TMCC1: variants seen among roughly 807,000 people sequenced by gnomAD.
TMCC1 encodes transmembrane and coiled-coil domains protein 1.
A neutral mutation model predicts 52.4 loss-of-function variants in TMCC1; 15 were observed. The observed-to-expected ratio is 0.29, with a 90% CI of 0.19 to 0.44. The LOEUF (loss-of-function observed/expected upper bound fraction) is 0.44. Ranked by LOEUF, TMCC1 falls within the 20% of genes least tolerant of loss-of-function variation. TMCC1 has a pLI of 1.00. For missense variants in TMCC1, 503 were observed against 806.0 expected, an observed-to-expected ratio of 0.62 and a Z score of 4.55; for synonymous variants, 279 against 301.9, an observed-to-expected ratio of 0.92 and a Z score of 0.79.
At chr3:129,704,495 T>C (rs1292281657) in intron 4 of TMCC1, among the ~76,000 whole-genome samples, 1 of 152,226 alleles carries the variant, frequency 6.6e-6, no homozygotes, top group Non-Finnish European at 1.5e-5. Flanking sequence ...CTCAGCTCAC[T>C]GCAACCTCCG....
At chr3:129,772,302 C>T (rs2054653987) in intron 4 of TMCC1, among the ~76,000 whole-genome samples, 1 of 152,128 alleles carries the variant, frequency 6.6e-6, no homozygotes, top group South Asian at 2.1e-4. Context: ...GGTCGTGCCA[C>T]TGCCCTCCAG....
intron 4 of TMCC1, among the ~76,000 whole-genome samples, chr3:129,759,781 G>A (rs1208281399): frequency 2.3e-5 from 3 of 132,110 alleles, no homozygotes; most frequent in African/African-American, 8.6e-5. Flanking sequence ...GAGTGCAGTG[G>A]CGCCATCTCG....
intron 4 of TMCC1, among the ~76,000 whole-genome samples, chr3:129,788,092 A>G (rs566621687): frequency 2.0e-5 from 3 of 152,348 alleles, no homozygotes; most frequent in African/African-American, 7.2e-5. Context: ...GAAGGGGAAG[A>G]GTATATGTGC....
chr3:129,679,668 T>C (rs1318073107), intron 4 of TMCC1, among the ~76,000 whole-genome samples: 1 of 152,160 alleles, frequency 6.6e-6, no homozygotes, highest in African/African-American at 2.4e-5. Flanking sequence ...CTTGACTTCA[T>C]TTTTCTACAT....
At chr3:129,856,186 TA>T (rs1260245968) in intron 2 of TMCC1, among the ~76,000 whole-genome samples, 3 of 152,206 alleles carry the variant, frequency 2.0e-5, no homozygotes, top group African/African-American at 4.8e-5. Flanking sequence ...ATATTCAGGA[TA>T]ATACAACTGT....
chr3:129,811,715 G>A (rs900741005), intron 4 of TMCC1, among the ~76,000 whole-genome samples: 2 of 152,000 alleles, frequency 1.3e-5, no homozygotes, highest in Admixed American at 1.3e-4. Context: ...AGGCTGAGGT[G>A]GGCAGATCAC....
intron 2 of TMCC1, among the ~76,000 whole-genome samples, chr3:129,877,916 G>A (rs181041917): frequency 1.3e-3 from 193 of 151,390 alleles, no homozygotes; most frequent in African/African-American, 3.8e-3. Context: ...GATTACAGGC[G>A]TGAGCCACCG....
chr3:129,885,981 T>TCCA (rs955043400), intron 1 of TMCC1, among the ~76,000 whole-genome samples: 24 of 152,126 alleles, frequency 1.6e-4, no homozygotes, highest in African/African-American at 5.3e-4. Flanking sequence ...GACCTCATGA[T>TCCA]CCACCCACCT....
chr3:129,688,055 G>T, intron 4 of TMCC1: 1 of 714,554 alleles, frequency 1.4e-6, no homozygotes, highest in Non-Finnish European at 1.7e-6. Flanking sequence ...GGTTCCCTTG[G>T]TCATCCTTTT....
In TMCC1 at chr3:129,785,197, T is replaced by A. The variant is rs188202389; in HGVS notation, c.576+42606A>T. Among the ~76,000 whole-genome samples the A allele has an allele frequency of 2.6e-5, 4 of 152,314 alleles. No homozygotes were observed. The East Asian group carries it at 7.7e-4, about 29-fold the overall frequency. On this transcript the variant is annotated intron_variant, in intron 4 of 6. Transcript: ENST00000393238. ...TCATGCAAAGGACGTGCAGCAGAGC[T>A]GTGGTATGTCTGAAATACAGCAAGA...
intron 4 of TMCC1, chr3:129,688,545 T>C (rs951595581): frequency 1.0e-6 from 1 of 985,540 alleles, no homozygotes; most frequent in African/African-American, 1.7e-5. Flanking sequence ...TACCCTCGCA[T>C]AGCCAATCCT....
intron 4 of TMCC1, among the ~76,000 whole-genome samples, chr3:129,807,943 C>T (rs1032963182): frequency 6.6e-6 from 1 of 152,054 alleles, no homozygotes; most frequent in Non-Finnish European, 1.5e-5. Flanking sequence ...AGTCCCAGAA[C>T]AAAAGATGTG....
At chr3:129,689,142 G>A (rs2089624454) in intron 4 of TMCC1, among the ~76,000 whole-genome samples, 1 of 152,118 alleles carries the variant, frequency 6.6e-6, no homozygotes, top group Non-Finnish European at 1.5e-5. Context: ...AGAAAACTGA[G>A]CACGACACTC....
intron 2 of TMCC1, among the ~76,000 whole-genome samples, chr3:129,876,557 G>A (rs2061224222): frequency 6.6e-6 from 1 of 152,092 alleles, no homozygotes; most frequent in East Asian, 1.9e-4. Context: ...ATTTTAGAAG[G>A]CTGAGGCAGG....
chr3:129,882,131 A>G (rs1291721370), intron 1 of TMCC1, among the ~76,000 whole-genome samples: 1 of 152,194 alleles, frequency 6.6e-6, no homozygotes, highest in African/African-American at 2.4e-5. Flanking sequence ...GAAAATATTT[A>G]CAGATCATCT....
intron 4 of TMCC1, among the ~76,000 whole-genome samples, chr3:129,796,612 G>A (rs897969272): frequency 2.6e-5 from 4 of 152,120 alleles, no homozygotes; most frequent in African/African-American, 9.7e-5. Flanking sequence ...TTGACACCAG[G>A]AGTTCAAGAC....
intron 2 of TMCC1, among the ~76,000 whole-genome samples, chr3:129,866,850 A>G (rs2060673233): frequency 6.6e-6 from 1 of 152,238 alleles, no homozygotes; most frequent in Non-Finnish European, 1.5e-5. Flanking sequence ...GTCACATGCT[A>G]CAGATTTTTT....
intron 4 of TMCC1, among the ~76,000 whole-genome samples, chr3:129,758,492 T>C (rs2053212444): frequency 6.6e-6 from 1 of 152,188 alleles, no homozygotes; most frequent in South Asian, 2.1e-4. Context: ...AACCCAAATC[T>C]TGGTTGCTAA....
At chr3:129,734,460 C>T (rs1365712213) in intron 4 of TMCC1, among the ~76,000 whole-genome samples, 3 of 152,032 alleles carry the variant, frequency 2.0e-5, no homozygotes, top group African/African-American at 7.2e-5. Context: ...CTGAGGTGGG[C>T]AGACTGCTTA....
Sources: gnomAD v4.1 joint callset for allele counts (sites outside exome capture counted in the v4.1 genomes callset) on GRCh38, gnomAD v4.1.1 for gene constraint, MANE v1.5 for transcripts, NCBI Gene and HGNC (gene_info 2026-07-23, HGNC 2026-07-21) for gene names.